The following SDK1 variants were observed in gnomAD, a reference collection of about 807,000 sequenced individuals.
SDK1 encodes protein sidekick-1.
SDK1 carries 157 observed loss-of-function variants against 245.5 expected under a neutral mutation model. The ratio of observed to expected loss-of-function variants is 0.64; its 90% CI spans 0.56 to 0.73. SDK1 has a LOEUF of 0.73. Ranked by LOEUF, SDK1 falls within the 30% of genes least tolerant of loss-of-function variation. The probability of loss-of-function intolerance (pLI) is 0.00; values close to 1 mark genes in which losing one functional copy is unlikely to be tolerated. For missense variants in SDK1, 3,583 were observed against 3,002.3 expected, an observed-to-expected ratio of 1.19 and a Z score of -4.52; for synonymous variants, 1,647 against 1,278.5, an observed-to-expected ratio of 1.29 and a Z score of -6.15.
chr7:3,561,995 G>C (rs1399780703), intron 1 of SDK1, among the ~76,000 whole-genome samples: 1 of 152,204 alleles, frequency 6.6e-6, no homozygotes, highest in Non-Finnish European at 1.5e-5. Flanking sequence ...AAAAAATATA[G>C]AGGAAATAAG....
At chr7:3,470,876 T>G (rs934046647) in intron 1 of SDK1, among the ~76,000 whole-genome samples, 50 of 152,218 alleles carry the variant, frequency 3.3e-4, no homozygotes, top group African/African-American at 1.0e-3. Context: ...CCTTGTATTA[T>G]GTGCTTAAGG....
At chr7:3,483,895 C>T (rs1444206401) in intron 1 of SDK1, among the ~76,000 whole-genome samples, 1 of 152,072 alleles carries the variant, frequency 6.6e-6, no homozygotes, top group Non-Finnish European at 1.5e-5. Flanking sequence ...GGCCATAATA[C>T]TTGTCTAACA....
At chr7:4,175,953 G>A (rs1446907075) in intron 34 of SDK1, 119 bp downstream of exon 34, 8 of 829,772 alleles carry the variant, frequency 9.6e-6, no homozygotes, top group Admixed American at 1.9e-5. Context: ...TTCTGGAATC[G>A]CCTCTCAAAC....
intron 1 of SDK1, among the ~76,000 whole-genome samples, chr7:3,388,187 A>G (rs1194364913): frequency 3.9e-5 from 6 of 152,102 alleles, no homozygotes; most frequent in African/African-American, 1.4e-4. Flanking sequence ...ATAAAATGAG[A>G]TGGGATAAGG....
Position 4,113,425 on chromosome 7 carries a change from C to A in SDK1, c.3571C>A (p.Arg1191=). ...CCGTACTGCCAGTGAGACCAGCCTG[C>A]GGCTTCGCTGGGTGGTGAGTGGGGG... The part of the protein sequence containing the change: ...TVRTASETSL[R]LRWVPLPDSQ... The change falls in exon 24 of 45, where the codon CGG becomes AGG. Residue 1191 remains arginine, a synonymous_variant. Transcript: ENST00000404826. The A allele has an allele frequency of 2.5e-6, 4 of 1,613,680 alleles. No homozygotes were observed. The highest frequency in any genetic ancestry group is 3.4e-6 in the Non-Finnish European group (4 of 1,180,002).
intron 1 of SDK1, among the ~76,000 whole-genome samples, chr7:3,615,930 G>C (rs369198774): frequency 4.0e-5 from 6 of 151,714 alleles, no homozygotes; most frequent in African/African-American, 1.5e-4. Flanking sequence ...ACACTGCCAG[G>C]CTGGAGTGCA....
chr7:3,677,062 T>C (rs926133034), intron 4 of SDK1, among the ~76,000 whole-genome samples: 3 of 152,206 alleles, frequency 2.0e-5, no homozygotes, highest in Non-Finnish European at 2.9e-5. Flanking sequence ...TTATGACTTC[T>C]TCAAGAAATC....
At chr7:4,140,947 T>C (rs1779544678) in intron 28 of SDK1, among the ~76,000 whole-genome samples, 1 of 152,100 alleles carries the variant, frequency 6.6e-6, no homozygotes, top group East Asian at 1.9e-4. Flanking sequence ...ATTTTAAATT[T>C]TTAAAAAAAT....
intron 1 of SDK1, among the ~76,000 whole-genome samples, chr7:3,524,895 C>A (rs1262443792): frequency 6.6e-6 from 1 of 151,966 alleles, no homozygotes; most frequent in East Asian, 1.9e-4. Context: ...ATCTGTAATC[C>A]CAGCAGAAAT....
intron 35 of SDK1, among the ~76,000 whole-genome samples, chr7:4,204,825 G>T (rs79040467): frequency 1.3e-5 from 2 of 152,188 alleles, no homozygotes; most frequent in Non-Finnish European, 2.9e-5. Context: ...TGGGAGGAGG[G>T]AGTAGCAGAG....
chr7:3,593,789 T>G (rs1780965346), intron 1 of SDK1, among the ~76,000 whole-genome samples: 1 of 152,220 alleles, frequency 6.6e-6, no homozygotes, highest in Admixed American at 6.5e-5. Flanking sequence ...ACGTAAGCTC[T>G]TGAGACAGGT....
At chr7:3,840,452 G>T (rs1780128902) in intron 5 of SDK1, among the ~76,000 whole-genome samples, 3 of 152,130 alleles carry the variant, frequency 2.0e-5, no homozygotes, top group African/African-American at 7.2e-5. Flanking sequence ...ACACAGCCAG[G>T]GTTGTGAATT....
At chr7:3,742,078 G>T (rs188910041) in intron 4 of SDK1, among the ~76,000 whole-genome samples, 4 of 150,236 alleles carry the variant, frequency 2.7e-5, no homozygotes, top group South Asian at 2.1e-4. Context: ...ACAAATTTGG[G>T]GGGGGAGCAG....
chr7:3,729,202 C>G (rs1583349456), intron 4 of SDK1, among the ~76,000 whole-genome samples: 1 of 152,112 alleles, frequency 6.6e-6, no homozygotes, highest in South Asian at 2.1e-4. Flanking sequence ...TGTTCTTTAT[C>G]TTAGGAAAAC....
Position 3,861,073 on chromosome 7 carries a change from G to A in SDK1, c.847+39490G>A, listed in dbSNP as rs370764251. Among the ~76,000 whole-genome samples the A allele has an allele frequency of 1.6e-4, 24 of 152,262 alleles. No individual in the cohort carries two copies. The East Asian group carries it at 2.3e-3, about 15-fold the overall frequency. ...GGCCGACACGATTATAATGATGAATGTCCAAGCTCTGTAACCCTTCAGTCT... is the reference window on the plus strand; with the variant it reads ...GGCCGACACGATTATAATGATGAATATCCAAGCTCTGTAACCCTTCAGTCT... On this transcript the variant is annotated intron_variant, in intron 5 of 44. Coordinates refer to ENST00000404826, the MANE Select transcript of SDK1 (RefSeq NM_152744.4).
chr7:3,495,479 G>A (rs1423207923), intron 1 of SDK1, among the ~76,000 whole-genome samples: 1 of 151,898 alleles, frequency 6.6e-6, no homozygotes, highest in East Asian at 1.9e-4. Context: ...GGCAAGTCTT[G>A]AACACCCAGC....
intron 1 of SDK1, among the ~76,000 whole-genome samples, chr7:3,558,807 G>A (rs976959556): frequency 6.6e-6 from 1 of 152,116 alleles, no homozygotes; most frequent in Non-Finnish European, 1.5e-5. Context: ...TAATGACAAG[G>A]CAGTCTATAT....
intron 1 of SDK1, among the ~76,000 whole-genome samples, chr7:3,389,165 G>A (rs962019502): frequency 6.6e-6 from 1 of 152,100 alleles, no homozygotes; most frequent in African/African-American, 2.4e-5. Flanking sequence ...AAATGTGGAA[G>A]GCTAAATAAT....
intron 2 of SDK1, among the ~76,000 whole-genome samples, chr7:3,634,364 A>G (rs957004215): frequency 2.0e-5 from 3 of 152,190 alleles, no homozygotes; most frequent in Non-Finnish European, 4.4e-5. Context: ...GCAGGTCACA[A>G]CTGAGGCTTT....
Sources: gnomAD v4.1 joint callset for allele counts (sites outside exome capture counted in the v4.1 genomes callset) on GRCh38, gnomAD v4.1.1 for gene constraint, MANE v1.5 for transcripts, NCBI Gene and HGNC (gene_info 2026-07-23, HGNC 2026-07-21) for gene names.